PRAP1: variants seen among roughly 807,000 people sequenced by gnomAD.
The protein encoded by PRAP1 is proline-rich acidic protein 1.
A neutral mutation model predicts 14.6 loss-of-function variants in PRAP1; 12 were observed. That is an observed-to-expected ratio of 0.82 (90% confidence interval 0.53 to 1.33). The LOEUF is 1.33. PRAP1 is among the 40% of genes most tolerant of loss of function. PRAP1 has a pLI of 0.00. For synonymous variants in PRAP1, 81 were observed against 80.3 expected (o/e 1.01, Z -0.04); for missense variants, 160 against 193.7 (o/e 0.83, Z 1.03).
At chr10:133,352,169 C>T (rs376575378) in intron 4 of PRAP1, 29 bp downstream of exon 4, 118 of 1,612,348 alleles carry the variant, frequency 7.3e-5, no homozygotes, top group Middle Eastern at 1.7e-4. Context: ...CAGCAGAGTC[C>T]GCTCGTGGGG....
chr10:133,347,417 C>A lies in PRAP1; in HGVS notation c.-1C>A, dbSNP rs1463116846. 6.2e-7 allele frequency: 1 copy of A among 1,612,810 alleles called. No individual in the cohort carries two copies. Among genetic ancestry groups the A allele is most frequent in the South Asian group, 1.1e-5 (1 of 90,950 alleles). ...TCTCTACAGAGACGCGGACCCCAGA[C>A]ATGAGGAGGTAATGCCACCATCCCT... On this transcript the variant is annotated 5_prime_UTR_variant, in exon 1 of 5. Coordinates refer to ENST00000433452, the MANE Select transcript of PRAP1 (RefSeq NM_145202.5). This position sits in a 1 kb window ranked among gnomAD's most constrained non-coding sequence, Gnocchi z 5.0.
rs368485796 is a variant in PRAP1, at chr10:133,351,965, C to T, written c.129-42C>T. ...CCCTCCTGCGGGGGGTTCTGTCCACCTCCCCCACCTGCATGTGGACCTGAC... is the reference window on the plus strand; with the variant it reads ...CCCTCCTGCGGGGGGTTCTGTCCACTTCCCCCACCTGCATGTGGACCTGAC... On this transcript the variant is annotated intron_variant, in intron 3 of 4. Coordinates refer to ENST00000433452, the MANE Select transcript of PRAP1 (RefSeq NM_145202.5). The surrounding 1 kb of genome is among the most constrained non-coding windows in gnomAD (Gnocchi z 4.3). 161 of 1,601,780 alleles carry T rather than the reference C, an allele frequency of 1.0e-4. No homozygotes were observed. Among genetic ancestry groups the T allele is most frequent in the Middle Eastern group, 8.8e-4 (5 of 5,684 alleles).
chr10:133,350,065 C>T (rs746769718), intron 1 of PRAP1, 30 bp from the exon 2 acceptor site: 9 of 1,570,076 alleles, frequency 5.7e-6, no homozygotes, highest in Non-Finnish European at 7.8e-6. Context: ...CTTCCCCTAC[C>T]TCACACTTCC....
rs1213647350 is a variant in PRAP1 at position 133,352,516 on chromosome 10, C to T, written c.*76C>T. On this transcript the variant is annotated 3_prime_UTR_variant, in exon 5 of 5. Coordinates refer to ENST00000433452, the MANE Select transcript of PRAP1 (RefSeq NM_145202.5). ...GGGACTGGGACCCTCCCTACCCTGC[C>T]CCAGCTAGACAAATAAACCCCAGCA... 6.1e-6 allele frequency: 8 copies of T among 1,318,620 alleles called. No individual in the cohort carries two copies. The highest frequency in any genetic ancestry group is 8.5e-6 in the Non-Finnish European group (8 of 945,140). 81.7% of individuals were successfully genotyped at this position (1,318,620 alleles called of 1,614,324 possible).
chr10:133,352,266 G>A lies in PRAP1; in HGVS notation c.282G>A (p.Glu94=). The part of the protein sequence containing the change: ...PILPGTKAWM[E]TEDTLGHVLS... ...CCCTAGGCACCAAGGCCTGGATGGAGACCGAGGACACCCTGGGCCATGTCC... is the reference window on the plus strand; with the variant it reads ...CCCTAGGCACCAAGGCCTGGATGGAAACCGAGGACACCCTGGGCCATGTCC... Residue 94 remains glutamate (E), a synonymous_variant, in exon 5 of 5, where the codon GAG becomes GAA. Transcript: ENST00000433452. 1 of 1,613,108 alleles carries A rather than the reference G, an allele frequency of 6.2e-7. No individual in the cohort carries two copies. Among genetic ancestry groups the A allele is most frequent in the Non-Finnish European group, 8.5e-7 (1 of 1,179,944 alleles).
intron 1 of PRAP1, among the ~76,000 whole-genome samples, chr10:133,348,876 G>T (rs540090107): frequency 1.6e-4 from 24 of 152,000 alleles, no homozygotes; most frequent in Admixed American, 5.9e-4. Flanking sequence ...GGCCAGGCTG[G>T]TCTCAAACTC....
In PRAP1 at chr10:133,352,086, C is replaced by G. The variant is rs781362232; in HGVS notation, c.208C>G (p.Leu70Val). Residue 70 changes from leucine (L) to valine (V), a missense_variant, in exon 4 of 5, where the codon CTC becomes GTC. Physicochemically the swap from Leu to Val is conservative, Grantham distance 32 (BLOSUM62 1). Transcript: ENST00000433452. ...VVLFPVQKPK[L>V]LTTEEKPRGQ... ...GCTGTTCCCTGTCCAGAAGCCGAAACTCTTGACCACCGAGGAGAAGCCACG... is the reference window on the plus strand; with the variant it reads ...GCTGTTCCCTGTCCAGAAGCCGAAAGTCTTGACCACCGAGGAGAAGCCACG... 8.7e-6 allele frequency: 14 copies of G among 1,613,020 alleles called. No individual in the cohort carries two copies. In the Admixed American group the frequency reaches 2.3e-4, roughly 27 times the overall value.
intron 2 of PRAP1, 98 bp downstream of exon 2, chr10:133,350,259 A>T (rs868489912): frequency 4.6e-6 from 5 of 1,097,640 alleles, no homozygotes; most frequent in Middle Eastern, 4.0e-4. Context: ...TCTGGCTTCA[A>T]ACCCCAAGCT....
Position 133,351,346 on chromosome 10 carries a change from C to T in PRAP1, c.76-35C>T. 6.3e-7 allele frequency: 1 copy of T among 1,592,306 alleles called. No homozygotes were observed. On this transcript the variant is annotated intron_variant, in intron 2 of 4. Transcript: ENST00000433452. This position sits in a 1 kb window ranked among gnomAD's most constrained non-coding sequence, Gnocchi z 4.3. ...CCCAGGTGTCCTCCACCCGCGTGGA[C>T]TGTGGCCCAGCCCACACCTGTGACT...
chr10:133,352,521 C>A lies in PRAP1; in HGVS notation c.*81C>A. 7.7e-7 allele frequency: 1 copy of A among 1,295,546 alleles called. No homozygotes were observed. Among genetic ancestry groups the A allele is most frequent in the Non-Finnish European group, 1.1e-6 (1 of 924,716 alleles). 80.3% of individuals were successfully genotyped at this position (1,295,546 alleles called of 1,614,324 possible). ...TGGGACCCTCCCTACCCTGCCCCAG[C>A]TAGACAAATAAACCCCAGCAGGCCG... On this transcript the variant is annotated 3_prime_UTR_variant, in exon 5 of 5. Coordinates refer to ENST00000433452, the MANE Select transcript of PRAP1 (RefSeq NM_145202.5).
In PRAP1 at chr10:133,347,476, G is replaced by A. The variant is rs753496005; in HGVS notation, c.8+51G>A. On this transcript the variant is annotated intron_variant, in intron 1 of 4. Transcript: ENST00000433452. This position sits in a 1 kb window ranked among gnomAD's most constrained non-coding sequence, Gnocchi z 5.0. ...ATCCCCACCCCACCCAAACCTGGAG[G>A]CCTGGCCCTTAGCCAGAGGGGGCCC... The A allele has an allele frequency of 8.9e-6, 14 of 1,577,534 alleles. No individual in the cohort carries two copies. In the Admixed American group the frequency reaches 1.9e-4, roughly 22 times the overall value.
rs1251596864 is a variant in PRAP1 at position 133,351,074 on chromosome 10, A to G, written c.76-307A>G. Among the ~76,000 whole-genome samples, 2 of 152,150 alleles carry G rather than the reference A, an allele frequency of 1.3e-5. No individual in the cohort carries two copies. The highest frequency in any genetic ancestry group is 4.8e-5 in the African/African-American group (2 of 41,418). On this transcript the variant is annotated intron_variant, in intron 2 of 4. Transcript: ENST00000433452. The surrounding 1 kb of genome is among the most constrained non-coding windows in gnomAD (Gnocchi z 4.3). ...CAGTGCATTGACGGCCAGGGTTGGG[A>G]GTGCTAGGTCAGGGATACGGTGCCA...
Position 133,351,260 on chromosome 10 carries a change from C to T in PRAP1, c.76-121C>T. The T allele has an allele frequency of 3.1e-6, 2 of 645,824 alleles. No homozygotes were observed. The highest frequency in any genetic ancestry group is 2.8e-6 in the Non-Finnish European group (1 of 361,444). 40.0% of individuals were successfully genotyped at this position (645,824 alleles called of 1,614,324 possible). ...CGAGCTGTGCTGAGCTGGCCCTGCCCCCACCCCCTGCAGCCACCTCCACCC... is the reference window on the plus strand; with the variant it reads ...CGAGCTGTGCTGAGCTGGCCCTGCCTCCACCCCCTGCAGCCACCTCCACCC... On this transcript the variant is annotated intron_variant, in intron 2 of 4. Transcript: ENST00000433452. The surrounding 1 kb of genome is among the most constrained non-coding windows in gnomAD (Gnocchi z 4.3).
chr10:133,349,983 G>T (rs1450135322), intron 1 of PRAP1, 112 bp from the exon 2 acceptor site: 9 of 859,134 alleles, frequency 1.0e-5, no homozygotes, highest in African/African-American at 6.8e-5. Context: ...AACTACCTGC[G>T]CTCCCAAGGA....
Position 133,351,954 on chromosome 10 carries a change from G to T in PRAP1, c.129-53G>T. The stretch of plus-strand genomic sequence containing the variant: ...GATGGTGGGCACCCTCCTGCGGGGG[G>T]TTCTGTCCACCTCCCCCACCTGCAT... On this transcript the variant is annotated intron_variant, in intron 3 of 4. Transcript: ENST00000433452. This position sits in a 1 kb window ranked among gnomAD's most constrained non-coding sequence, Gnocchi z 4.3. 1 of 1,594,130 alleles carries T rather than the reference G, an allele frequency of 6.3e-7. No homozygotes were observed. The highest frequency in any genetic ancestry group is 8.5e-7 in the Non-Finnish European group (1 of 1,173,210).
intron 2 of PRAP1, 114 bp downstream of exon 2, chr10:133,350,275 A>G: frequency 1.1e-6 from 1 of 869,948 alleles, no homozygotes; most frequent in Non-Finnish European, 1.8e-6. Flanking sequence ...AAGCTGGCTT[A>G]GGGGAGAGAG....
At chr10:133,350,295 C>T (rs55708721) in intron 2 of PRAP1, 134 bp downstream of exon 2, 26,324 of 732,798 alleles carry the variant, frequency 0.036, 1,427 homozygotes, top group African/African-American at 0.2. Flanking sequence ...GGCATGGGTA[C>T]GCTCATGACT....
chr10:133,350,161 G>C lies in PRAP1; in HGVS notation c.75G>C (p.Lys25Asn). The change falls in exon 2 of 5, where the codon AAG becomes AAC. Residue 25 changes from lysine to asparagine, a missense_variant and splice_region_variant. Lys to Asn is a moderately conservative substitution (Grantham distance 94). Transcript: ENST00000433452. ...AGGCAGGTGCAGTCCCAGCACCCAA[G>C]GTAGGTGTGAGCCCCTCCCATCTGG... ...LWEAGAVPAP[K>N]VPIKMQVKHW... The C allele has an allele frequency of 1.2e-6, 2 of 1,613,176 alleles. No homozygotes were observed. Among genetic ancestry groups the C allele is most frequent in the Non-Finnish European group, 8.5e-7 (1 of 1,179,672 alleles).
At chr10:133,352,197 AG>A in intron 4 of PRAP1, 49 bp from the exon 5 acceptor site, 2 of 1,611,114 alleles carry the variant, frequency 1.2e-6, no homozygotes, top group Non-Finnish European at 8.5e-7. Context: ...GGACAGACCA[AG>A]GGTCTCGGGA....
Sources: gnomAD v4.1 joint callset for allele counts (sites outside exome capture counted in the v4.1 genomes callset) on GRCh38, gnomAD v4.1.1 for gene constraint, Gnocchi (gnomAD v3.1) non-coding constraint, MANE v1.5 for transcripts, NCBI Gene and HGNC (gene_info 2026-07-23, HGNC 2026-07-21) for gene names.